MYO1B: variants seen among roughly 807,000 people sequenced by gnomAD.
MYO1B encodes the protein myosin IB.
Under a neutral mutation model 159.7 loss-of-function variants are expected in MYO1B, and 72 were observed. The ratio of observed to expected loss-of-function variants is 0.45; its 90% CI spans 0.37 to 0.55. MYO1B has a LOEUF of 0.55. Among genes scored for constraint, MYO1B ranks in the 20% least tolerant of loss-of-function variants. MYO1B has a pLI of 0.00. For synonymous variants in MYO1B, 468 were observed against 473.8 expected, an observed-to-expected ratio of 0.99 and a Z score of 0.16; for missense variants, 1,062 against 1,364.8, an observed-to-expected ratio of 0.78 and a Z score of 3.50.
chr2:191,294,145 G>A (rs953452727), intron 2 of MYO1B, among the ~76,000 whole-genome samples: 5 of 152,126 alleles, frequency 3.3e-5, no homozygotes, highest in African/African-American at 7.2e-5. Context: ...CAGTCACAAG[G>A]AACAAAGAGA....
At chr2:191,281,557 C>A (rs1688062377) in intron 2 of MYO1B, among the ~76,000 whole-genome samples, 1 of 152,200 alleles carries the variant, frequency 6.6e-6, no homozygotes, top group African/African-American at 2.4e-5. Context: ...CCGGCCTCCC[C>A]TCCCCGGCCC....
chr2:191,311,561 G>A (rs1298131509), intron 3 of MYO1B, among the ~76,000 whole-genome samples: 2 of 152,108 alleles, frequency 1.3e-5, no homozygotes, highest in Admixed American at 1.3e-4. Context: ...CTCACGTTTG[G>A]CCATGCAGTG....
chr2:191,340,036 A>G (rs1692111270), intron 4 of MYO1B, among the ~76,000 whole-genome samples: 1 of 152,162 alleles, frequency 6.6e-6, no homozygotes, highest in African/African-American at 2.4e-5. Context: ...TGACAGTGGC[A>G]GTAGAGCAAA....
In MYO1B at chr2:191,378,196, C is replaced by A. The variant is rs568915820; in HGVS notation, c.1186-3266C>A. Among the ~76,000 whole-genome samples the A allele has an allele frequency of 5.3e-5, 8 of 152,230 alleles. No homozygotes were observed. The South Asian group carries it at 1.7e-3, about 32-fold the overall frequency. ...GAGTTACTTTTGGATTATGATGGAT[C>A]TCTTCACTTTTTGGTGATCTGCCAA... On this transcript the variant is annotated intron_variant, in intron 13 of 30. Coordinates refer to ENST00000392318, the MANE Select transcript of MYO1B (RefSeq NM_001130158.3).
chr2:191,365,815 G>A (rs1304738074), intron 11 of MYO1B, among the ~76,000 whole-genome samples: 1 of 152,234 alleles, frequency 6.6e-6, no homozygotes, highest in Non-Finnish European at 1.5e-5. Context: ...GGCTATAGCT[G>A]TAGATATGTA....
chr2:191,359,461 A>G (rs1444046510), intron 7 of MYO1B, among the ~76,000 whole-genome samples: 1 of 152,074 alleles, frequency 6.6e-6, no homozygotes, highest in Admixed American at 6.5e-5. Flanking sequence ...TTGTACTTAC[A>G]TATTTTTGTT....
chr2:191,391,065 A>G (rs1284617768), intron 18 of MYO1B, among the ~76,000 whole-genome samples: 1 of 152,262 alleles, frequency 6.6e-6, no homozygotes, highest in African/African-American at 2.4e-5. Context: ...TGGACACCGC[A>G]GGCCCAGTGG....
chr2:191,417,701 A>T (rs972253144), intron 30 of MYO1B, among the ~76,000 whole-genome samples: 11 of 152,232 alleles, frequency 7.2e-5, no homozygotes, highest in African/African-American at 2.4e-4. Context: ...CTTGTACAGG[A>T]TGCTAATAAC....
At chr2:191,321,638 A>C (rs1690720903) in intron 3 of MYO1B, among the ~76,000 whole-genome samples, 1 of 152,142 alleles carries the variant, frequency 6.6e-6, no homozygotes, top group Non-Finnish European at 1.5e-5. Context: ...GAAATAGCAT[A>C]ATTTCCTCCC....
chr2:191,308,158 C>T (rs1185096953), intron 3 of MYO1B, among the ~76,000 whole-genome samples: 1 of 152,148 alleles, frequency 6.6e-6, no homozygotes, highest in East Asian at 1.9e-4. Context: ...ATTTGCATAA[C>T]CTCAGGTATG....
rs572885463 is a variant in MYO1B at position 191,368,533 on chromosome 2, C to G, written c.1033-1009C>G. Among the ~76,000 whole-genome samples the G allele has an allele frequency of 9.1e-4, 138 of 152,166 alleles. 6 individuals carry two copies. The highest frequency in any genetic ancestry group is 7.2e-4 in the Admixed American group (11 of 15,264). On this transcript the variant is annotated intron_variant, in intron 11 of 30. Coordinates refer to ENST00000392318, the MANE Select transcript of MYO1B (RefSeq NM_001130158.3). ...CCTGACTTTCTTCGGCCTTTGGATT[C>G]TAAGAGTCATAGAGATGCATATGTC...
chr2:191,247,973 G>A (rs1181091640), intron 1 of MYO1B: 1 of 985,420 alleles, frequency 1.0e-6, no homozygotes, highest in Non-Finnish European at 1.2e-6. Context: ...AAGCAAGGAG[G>A]AACGTCTGAC....
At chr2:191,351,692 G>T (rs1447392032) in intron 7 of MYO1B, among the ~76,000 whole-genome samples, 1 of 152,150 alleles carries the variant, frequency 6.6e-6, no homozygotes, top group Non-Finnish European at 1.5e-5. Context: ...TTTGAGACCA[G>T]CCTGGCCAAC....
chr2:191,369,336 C>G (rs1694216840), intron 11 of MYO1B, among the ~76,000 whole-genome samples: 1 of 152,200 alleles, frequency 6.6e-6, no homozygotes. Flanking sequence ...AATTAGTTTC[C>G]TGGTTTGTGA....
At position 191,363,849 on chromosome 2, in the gene MYO1B, A is replaced by G. The variant is rs1486139073; in HGVS notation, c.887A>G (p.Asp296Gly). ...FKPESRVNGL[D>G]ESKIKDKNEL... ...CCCGAATCTCGAGTGAATGGTCTAG[A>G]TGAAAGCAAAATCAAAGATAAAAAT... The change falls in exon 10 of 31, where the codon GAT becomes GGT. Residue 296 changes from aspartate (D) to glycine (G), a missense_variant. Asp to Gly is a moderately conservative substitution (Grantham distance 94). This residue lies in a region of MYO1B where 415 missense variants were observed against 544.0 expected (regional missense o/e 0.76). Coordinates refer to ENST00000392318, the MANE Select transcript of MYO1B (RefSeq NM_001130158.3). The G allele has an allele frequency of 4.3e-6, 7 of 1,613,816 alleles. No individual in the cohort carries two copies. The African/African-American group carries it at 9.3e-5, about 22-fold the overall frequency.
chr2:191,382,316 T>C (rs1036367549), intron 14 of MYO1B, among the ~76,000 whole-genome samples: 3 of 152,180 alleles, frequency 2.0e-5, no homozygotes, highest in Admixed American at 6.5e-5. Context: ...CTTTTATCTT[T>C]CTTTCCATAT....
At chr2:191,401,135 C>T (rs948054639) in intron 23 of MYO1B, among the ~76,000 whole-genome samples, 2 of 151,846 alleles carry the variant, frequency 1.3e-5, no homozygotes, top group African/African-American at 4.8e-5. Context: ...CCCCCCGCCC[C>T]CATTGATGAA....
chr2:191,332,549 G>C (rs191215228), intron 4 of MYO1B, among the ~76,000 whole-genome samples: 1 of 152,126 alleles, frequency 6.6e-6, no homozygotes, highest in Non-Finnish European at 1.5e-5. Flanking sequence ...ATTTTGCTGG[G>C]TGATAATGAT....
Position 191,328,678 on chromosome 2 carries a change from A to G in MYO1B, c.252-1257A>G, listed in dbSNP as rs112206244. Among the ~76,000 whole-genome samples the G allele has an allele frequency of 3.4e-3, 524 of 152,206 alleles. 1 individual carries two copies. Among genetic ancestry groups the G allele is most frequent in the African/African-American group, 0.012 (502 of 41,522 alleles). On this transcript the variant is annotated intron_variant, in intron 3 of 30. Transcript: ENST00000392318. ...TTTGTTTTTCATTTGGAACCTGCCT[A>G]TCTCTCTCCGCAGCTCATCTCTTAT...
Sources: allele counts gnomAD v4.1 joint callset (sites outside exome capture counted in the v4.1 genomes callset), GRCh38; gene constraint gnomAD v4.1.1; regional missense constraint gnomAD v4.1.1; transcripts MANE v1.5; gene names NCBI Gene and HGNC (gene_info 2026-07-23, HGNC 2026-07-21).